The following DOCK2 variants were observed in gnomAD, a reference collection of about 807,000 sequenced individuals.
The protein encoded by DOCK2 is dedicator of cytokinesis protein 2.
DOCK2 carries 87 observed loss-of-function variants against 248.9 expected under a neutral mutation model. The observed-to-expected ratio is 0.35, with a 90% CI of 0.29 to 0.42. The LOEUF is 0.42. DOCK2 is among the 10% of genes least tolerant of loss of function. The pLI is 1.00. For synonymous variants in DOCK2, 805 were observed against 821.6 expected (o/e 0.98, Z 0.35); for missense variants, 1,747 against 2,300.2 (o/e 0.76, Z 4.92).
intron 26 of DOCK2, among the ~76,000 whole-genome samples, chr5:169,806,969 G>A (rs1767409391): frequency 1.3e-5 from 2 of 151,628 alleles, no homozygotes; most frequent in Admixed American, 6.6e-5. Context: ...TCTTGGGTGC[G>A]GCACAAGAGA....
intron 27 of DOCK2, among the ~76,000 whole-genome samples, chr5:169,889,171 C>G (rs1773144510): frequency 6.6e-6 from 1 of 152,146 alleles, no homozygotes; most frequent in Non-Finnish European, 1.5e-5. Context: ...GCTTCTAAGA[C>G]ATGGAATAGT....
intron 34 of DOCK2, among the ~76,000 whole-genome samples, chr5:170,029,550 A>C (rs1756050116): frequency 6.6e-6 from 1 of 152,196 alleles, no homozygotes. Context: ...ATAATTATAA[A>C]GCATCTGGCA....
At chr5:169,903,102 A>C (rs1281371463) in intron 27 of DOCK2, among the ~76,000 whole-genome samples, 1 of 151,830 alleles carries the variant, frequency 6.6e-6, no homozygotes, top group Non-Finnish European at 1.5e-5. Context: ...ATCTCAAAAA[A>C]AAAAGAAAGA....
chr5:169,783,909 C>G (rs1015051930), intron 25 of DOCK2, among the ~76,000 whole-genome samples: 1 of 152,142 alleles, frequency 6.6e-6, no homozygotes, highest in East Asian at 1.9e-4. Context: ...TCTACTGTCT[C>G]CTAGGAAGGC....
intron 22 of DOCK2, among the ~76,000 whole-genome samples, chr5:169,727,007 G>A (rs1156740481): frequency 2.0e-5 from 3 of 151,770 alleles, no homozygotes; most frequent in African/African-American, 7.3e-5. Context: ...GGTGGAGGTT[G>A]CAGTGAGCTG....
intron 30 of DOCK2, among the ~76,000 whole-genome samples, chr5:170,003,635 C>T (rs781481764): frequency 1.3e-4 from 20 of 152,202 alleles, no homozygotes; most frequent in Middle Eastern, 3.2e-3. Context: ...CCAAAATGCT[C>T]CTGTGATCTC....
intron 27 of DOCK2, among the ~76,000 whole-genome samples, chr5:169,950,698 G>A (rs181831755): frequency 8.5e-5 from 13 of 152,240 alleles, no homozygotes; most frequent in South Asian, 2.1e-4. Context: ...GAATTTTGTC[G>A]TTATTCCTGG....
rs1443172935 is a variant in DOCK2 at position 169,764,165 on chromosome 5, G to T, written c.2554+2540G>T. Among the ~76,000 whole-genome samples the T allele has an allele frequency of 6.6e-6, 1 of 152,174 alleles. No homozygotes were observed. Among genetic ancestry groups the T allele is most frequent in the Non-Finnish European group, 1.5e-5 (1 of 68,028 alleles). ...CCTGTGAAGTGTCCTGTGCCTCGGGGACGTGATTTGCTTTGAGCCTGCACT... is the reference window on the plus strand; with the variant it reads ...CCTGTGAAGTGTCCTGTGCCTCGGGTACGTGATTTGCTTTGAGCCTGCACT... On this transcript the variant is annotated intron_variant, in intron 25 of 51. Transcript: ENST00000520908. The surrounding 1 kb of genome is among the most constrained non-coding windows in gnomAD (Gnocchi z 4.3).
At chr5:169,823,798 G>C (rs1432034570) in intron 26 of DOCK2, among the ~76,000 whole-genome samples, 1 of 152,170 alleles carries the variant, frequency 6.6e-6, no homozygotes, top group Non-Finnish European at 1.5e-5. Flanking sequence ...AAGAAATAAA[G>C]GGTATTCAAT....
chr5:169,696,923 G>A (rs964979722), intron 10 of DOCK2, among the ~76,000 whole-genome samples: 1 of 151,568 alleles, frequency 6.6e-6, no homozygotes, highest in Non-Finnish European at 1.5e-5. Context: ...TGTGCAAAAT[G>A]AAGGACTCAT....
At chr5:169,900,093 A>G (rs1412433835) in intron 27 of DOCK2, among the ~76,000 whole-genome samples, 2 of 151,998 alleles carry the variant, frequency 1.3e-5, no homozygotes, top group Non-Finnish European at 2.9e-5. Context: ...TCTACTAAGC[A>G]CCCACTATGT....
chr5:169,777,039 C>T (rs1328277048), intron 25 of DOCK2, among the ~76,000 whole-genome samples: 1 of 152,200 alleles, frequency 6.6e-6, no homozygotes, highest in Non-Finnish European at 1.5e-5. Context: ...AATTCATACC[C>T]TTAATAGACA....
In DOCK2 at chr5:170,055,195, A is replaced by G. The variant is rs567028930; in HGVS notation, c.4214-110A>G. 6 of 1,006,798 alleles carry G rather than the reference A, an allele frequency of 6.0e-6. No individual in the cohort carries two copies. In the East Asian group the frequency reaches 1.5e-4, roughly 25 times the overall value. The allele number at this position is 1,006,798 out of a possible 1,614,324, so 62.4% of individuals were successfully genotyped here. ...AGCAACCTGAGGTTCATCATTCAGT[A>G]AAAATGTGGCCCCATAAAGGCTGGC... On this transcript the variant is annotated intron_variant, in intron 41 of 51. Coordinates refer to ENST00000520908, the MANE Select transcript of DOCK2 (RefSeq NM_004946.3).
chr5:169,970,786 A>G (rs1161627816), intron 27 of DOCK2, among the ~76,000 whole-genome samples: 2 of 152,214 alleles, frequency 1.3e-5, no homozygotes, highest in African/African-American at 2.4e-5. Flanking sequence ...TGGAATTAGT[A>G]GATATGGGGC....
At chr5:169,809,816 G>A (rs555216037) in intron 26 of DOCK2, among the ~76,000 whole-genome samples, 2 of 152,270 alleles carry the variant, frequency 1.3e-5, no homozygotes, top group East Asian at 3.9e-4. Flanking sequence ...GCGGAGTGCC[G>A]TTCACACTGC....
rs1472504497 is a variant in DOCK2 at position 169,669,027 on chromosome 5, G to GC, written c.128-259dup. Among the ~76,000 whole-genome samples the GC allele has an allele frequency of 2.0e-5, 3 of 152,058 alleles. No individual in the cohort carries two copies. In the East Asian group the frequency reaches 5.8e-4, roughly 29 times the overall value. On this transcript the variant is annotated intron_variant, in intron 2 of 51. Transcript: ENST00000520908. ...TCCTCCCAGCCAGTTGGGAGCACTGGCCAGCACTACTGGGGCTCCTGATTT... is the reference window on the plus strand; with the variant it reads ...TCCTCCCAGCCAGTTGGGAGCACTGGCCCAGCACTACTGGGGCTCCTGATTT...
intron 27 of DOCK2, among the ~76,000 whole-genome samples, chr5:169,906,402 T>A (rs1171684425): frequency 6.6e-6 from 1 of 152,200 alleles, no homozygotes; most frequent in Non-Finnish European, 1.5e-5. Context: ...CCACCATCAT[T>A]TGGGCTTGGT....
intron 27 of DOCK2, among the ~76,000 whole-genome samples, chr5:169,971,091 G>A (rs1777488041): frequency 6.6e-6 from 1 of 152,076 alleles, no homozygotes; most frequent in African/African-American, 2.4e-5. Flanking sequence ...GGACTGCAGA[G>A]GATGGTAATC....
rs1281573613 is a variant in DOCK2 at position 169,989,711 on chromosome 5, A to G, written c.2993+3789A>G. The stretch of plus-strand genomic sequence containing the variant: ...TGAGCAAGATCCTTCACCACTCTAG[A>G]CTCTGTTTTCCTCACTGTAAAATGT... On this transcript the variant is annotated intron_variant, in intron 29 of 51. Transcript: ENST00000520908. Among the ~76,000 whole-genome samples, 5 of 152,170 alleles carry G rather than the reference A, an allele frequency of 3.3e-5. No individual in the cohort carries two copies. The East Asian group carries it at 9.7e-4, about 29-fold the overall frequency.
Sources: allele counts gnomAD v4.1 joint callset (sites outside exome capture counted in the v4.1 genomes callset), GRCh38; gene constraint gnomAD v4.1.1; non-coding constraint Gnocchi (gnomAD v3.1); transcripts MANE v1.5; gene names NCBI Gene and HGNC (gene_info 2026-07-23, HGNC 2026-07-21).